The following ECHDC2 variants were observed in gnomAD, a reference collection of about 807,000 sequenced individuals.
ECHDC2 encodes the protein enoyl-CoA hydratase domain-containing protein 2, mitochondrial.
A neutral mutation model predicts 40.6 loss-of-function variants in ECHDC2; 34 were observed. The ratio of observed to expected loss-of-function variants is 0.84; its 90% confidence interval spans 0.64 to 1.11. The LOEUF (loss-of-function observed/expected upper bound fraction) is 1.11, where lower values mean the gene tolerates loss of function less well. ECHDC2 is among the 50% of genes most tolerant of loss of function. The pLI is 0.00. For missense variants in ECHDC2, 392 were observed against 400.7 expected, an observed-to-expected ratio of 0.98 and a Z score of 0.19; for synonymous variants, 162 against 166.6, an observed-to-expected ratio of 0.97 and a Z score of 0.21.
chr1:52,910,560 G>T (rs750517836), intron 3 of ECHDC2, among the ~76,000 whole-genome samples: 1 of 151,428 alleles, frequency 6.6e-6, no homozygotes, highest in South Asian at 2.1e-4. Context: ...GTAGAGACGC[G>T]GTTTCACCAT....
chr1:52,919,828 C>T (rs1196819548), intron 1 of ECHDC2, among the ~76,000 whole-genome samples: 1 of 152,266 alleles, frequency 6.6e-6, no homozygotes, highest in Admixed American at 6.5e-5. Context: ...CCTTCTCTCA[C>T]TGCCTTTTCC....
Position 52,921,701 on chromosome 1 carries a change from TTCTCCGGCCC to T in ECHDC2, c.-38_-29del. 6.6e-7 allele frequency: 1 copy of T among 1,518,508 alleles called. No individual in the cohort carries two copies. The highest frequency in any genetic ancestry group is 1.3e-5 in the South Asian group (1 of 78,344). The allele number at this position is 1,518,508 out of a possible 1,614,324, so 94.1% of individuals were successfully genotyped here. On this transcript the variant is annotated 5_prime_UTR_variant, in exon 1 of 10. Transcript: ENST00000371522. Reference sequence around the variant, plus strand: ...GGGCGCAGGCTGGGAGTGAAGGTGCTTCTCCGGCCCTGCACCGTCTCGGCTCCCGCTGAGA... The same window carrying T: ...GGGCGCAGGCTGGGAGTGAAGGTGCTTGCACCGTCTCGGCTCCCGCTGAGA...
Position 52,907,888 on chromosome 1 carries a change from C to T in ECHDC2, c.344G>A (p.Arg115Gln), listed in dbSNP as rs111794011. The stretch of plus-strand genomic sequence containing the variant: ...CTCACCGATGTCATTCATCAGGCCC[C>T]GGAGTCGCTGGACAAACACCCCCAC... ...AEVGVFVQRLRGLMNDIAAFP... is the reference protein window; with the variant it reads ...AEVGVFVQRLQGLMNDIAAFP... Residue 115 changes from arginine (R) to glutamine (Q), a missense_variant, in exon 4 of 10, where the codon CGG (arginine) becomes CAG (glutamine). Coordinates refer to ENST00000371522, the MANE Select transcript of ECHDC2 (RefSeq NM_001198961.2). 4.6e-3 allele frequency: 7,459 copies of T among 1,614,060 alleles called. 21 individuals are homozygous for T. The highest frequency in any genetic ancestry group is 5.8e-3 in the Non-Finnish European group (6,803 of 1,179,972).
chr1:52,915,819 A>G (rs1650551344), intron 1 of ECHDC2, among the ~76,000 whole-genome samples: 1 of 152,210 alleles, frequency 6.6e-6, no homozygotes, highest in Non-Finnish European at 1.5e-5. Context: ...GTTAAGTTAT[A>G]TGGTGAAGGT....
At chr1:52,907,731 C>A in intron 4 of ECHDC2, 137 bp downstream of exon 4, 1 of 721,290 alleles carries the variant, frequency 1.4e-6, no homozygotes, top group Admixed American at 2.7e-5. Context: ...CTCCTCCATC[C>A]CCCTGGGTGA....
At position 52,904,873 on chromosome 1, in the gene ECHDC2, AAGT is replaced by A. The variant is rs763637484; in HGVS notation, c.515-43_515-41del. 1.3e-4 allele frequency: 214 copies of A among 1,600,300 alleles called. No individual in the cohort carries two copies. In the African/African-American group the frequency reaches 2.6e-3, roughly 20 times the overall value. On this transcript the variant is annotated intron_variant, in intron 6 of 9. Transcript: ENST00000371522. The stretch of plus-strand genomic sequence containing the variant: ...GGAGCAGGGTGGGAATCAGCATGGG[AAGT>A]GGGAACCCAGAGAAGGCTCAGCCTG...
At chr1:52,916,571 C>T (rs988548720) in intron 1 of ECHDC2, among the ~76,000 whole-genome samples, 41 of 152,204 alleles carry the variant, frequency 2.7e-4, no homozygotes, top group Non-Finnish European at 1.6e-4. Context: ...TTGTGTAAAA[C>T]GCCCAGATAC....
intron 1 of ECHDC2, chr1:52,912,940 C>T (rs1649890634): frequency 6.6e-6 from 1 of 150,714 alleles, no homozygotes. Flanking sequence ...CCCACCTCGG[C>T]CTCTAAAAGT....
chr1:52,903,672 G>A (rs1647143362), intron 7 of ECHDC2, among the ~76,000 whole-genome samples: 2 of 151,992 alleles, frequency 1.3e-5, no homozygotes, highest in South Asian at 4.2e-4. Context: ...GGCTGAGGCG[G>A]GAGGATCACT....
At chr1:52,905,962 A>G in intron 5 of ECHDC2, 1 of 250,432 alleles carries the variant, frequency 4.0e-6, no homozygotes, top group Non-Finnish European at 7.8e-6. Flanking sequence ...GAAGACATTC[A>G]GACTTTGCCT....
chr1:52,904,750 C>G lies in ECHDC2; in HGVS notation c.598G>C (p.Glu200Gln). ...IFTGRRLSGT[E>Q]AHVLGLVNHA... ...TTCACCAGCCCCAGTACGTGGGCCTCAGTTCCACTCAGTCGTCGGCCCGTG... is the reference window on the plus strand; with the variant it reads ...TTCACCAGCCCCAGTACGTGGGCCTGAGTTCCACTCAGTCGTCGGCCCGTG... Residue 200 changes from glutamate (E) to glutamine (Q), a missense_variant, in exon 7 of 10, where the codon GAG becomes CAG. Transcript: ENST00000371522. 6.2e-7 allele frequency: 1 copy of G among 1,613,022 alleles called. No homozygotes were observed. Among genetic ancestry groups the G allele is most frequent in the Non-Finnish European group, 8.5e-7 (1 of 1,180,008 alleles).
intron 8 of ECHDC2, 24 bp from the exon 9 acceptor site, chr1:52,897,508 G>A (rs781109959): frequency 6.2e-7 from 1 of 1,613,978 alleles, no homozygotes; most frequent in Non-Finnish European, 8.5e-7. Flanking sequence ...GTGCTCCCTG[G>A]ATTGGTCTGA....
Position 52,914,307 on chromosome 1 carries a change from T to C in ECHDC2, c.122-2517A>G, listed in dbSNP as rs539686271. Among the ~76,000 whole-genome samples, 1 of 152,194 alleles carries C rather than the reference T, an allele frequency of 6.6e-6. No individual in the cohort carries two copies. Among genetic ancestry groups the C allele is most frequent in the South Asian group, 2.1e-4 (1 of 4,800 alleles). ...AAAGATGTAAGAGTGCATGTGTGCA[T>C]GTAAGTGTGCATGCATGGGTGCATA... On this transcript the variant is annotated intron_variant, in intron 1 of 9. Transcript: ENST00000371522. The surrounding 1 kb of genome is among the most constrained non-coding windows in gnomAD (Gnocchi z 4.0).
intron 4 of ECHDC2, chr1:52,907,099 CTT>C (rs934079030): frequency 1.4e-4 from 18 of 127,924 alleles, no homozygotes; most frequent in Admixed American, 2.4e-4. Context: ...TTCCTTTTTT[CTT>C]TTTTTTTTTT....
chr1:52,896,608 G>T lies in ECHDC2; in HGVS notation c.802-11C>A. On this transcript the variant is annotated splice_polypyrimidine_tract_variant and intron_variant, in intron 9 of 9. Coordinates refer to ENST00000371522, the MANE Select transcript of ECHDC2 (RefSeq NM_001198961.2). ...CCGGGTTGGAATATTCTGCAACAAG[G>T]TACAAAATATTAGTTTTGGGGGAGC... 1.2e-6 allele frequency: 2 copies of T among 1,612,068 alleles called. No homozygotes were observed. The highest frequency in any genetic ancestry group is 1.7e-6 in the Non-Finnish European group (2 of 1,178,238).
rs1651942694 is a variant in ECHDC2, at chr1:52,921,683, G to A, written c.-10C>T. 1 of 1,547,614 alleles carries A rather than the reference G, an allele frequency of 6.5e-7. No individual in the cohort carries two copies. Among genetic ancestry groups the A allele is most frequent in the Non-Finnish European group, 8.7e-7 (1 of 1,149,874 alleles). On this transcript the variant is annotated 5_prime_UTR_variant, in exon 1 of 10. Transcript: ENST00000371522. ...ACAGAACGCGCAGCATCGGGGCGCA[G>A]GCTGGGAGTGAAGGTGCTTCTCCGG...
At chr1:52,907,977 C>G in intron 3 of ECHDC2, 23 bp from the exon 4 acceptor site, 10 of 1,612,204 alleles carry the variant, frequency 6.2e-6, no homozygotes, top group Non-Finnish European at 8.5e-6. Flanking sequence ...AGGGTTGGTA[C>G]CAGCCCTTAG....
chr1:52,905,153 G>A (rs1190743194), intron 5 of ECHDC2, 63 bp from the exon 6 acceptor site: 1 of 1,576,898 alleles, frequency 6.3e-7, no homozygotes, highest in African/African-American at 1.3e-5. Context: ...CTAATCCCGG[G>A]GGCCACAGCT....
rs1180464713 is a variant in ECHDC2 at position 52,897,326 on chromosome 1, A to C, written c.801+111T>G. On this transcript the variant is annotated intron_variant, in intron 9 of 9. Coordinates refer to ENST00000371522, the MANE Select transcript of ECHDC2 (RefSeq NM_001198961.2). ...CTTATGAGGGACGATGGATGCGGTC[A>C]GACTGTTTGTGTTGAGAAGAACCTT... 4 of 1,097,622 alleles carry C rather than the reference A, an allele frequency of 3.6e-6. No individual in the cohort carries two copies. In the East Asian group the frequency reaches 7.1e-5, roughly 19 times the overall value. The allele number at this position is 1,097,622 out of a possible 1,614,324, so 68.0% of individuals were successfully genotyped here.
Sources: gnomAD v4.1 joint callset for allele counts (sites outside exome capture counted in the v4.1 genomes callset) on GRCh38, gnomAD v4.1.1 for gene constraint, Gnocchi (gnomAD v3.1) non-coding constraint, MANE v1.5 for transcripts, NCBI Gene and HGNC (gene_info 2026-07-23, HGNC 2026-07-21) for gene names.